SLX4IP: variants seen among roughly 807,000 people sequenced by gnomAD.
SLX4IP encodes the protein SLX4 interacting protein.
SLX4IP carries 34 observed loss-of-function variants against 32.9 expected under a neutral mutation model. The observed-to-expected ratio is 1.03, with a 90% CI of 0.79 to 1.38. The LOEUF is 1.38. SLX4IP is among the 40% of genes most tolerant of loss of function. The pLI is 0.00. For synonymous variants in SLX4IP, 172 were observed against 171.7 expected (o/e 1.00, Z -0.01); for missense variants, 444 against 479.0 (o/e 0.93, Z 0.68).
chr20:10,577,095 A>G (rs1220230092), intron 4 of SLX4IP, among the ~76,000 whole-genome samples: 1 of 152,226 alleles, frequency 6.6e-6, no homozygotes, highest in African/African-American at 2.4e-5. Flanking sequence ...AATAGAAAAT[A>G]TTTTTTAAAA....
At chr20:10,453,307 C>CAT (rs1555805265) in intron 1 of SLX4IP, among the ~76,000 whole-genome samples, 5 of 142,886 alleles carry the variant, frequency 3.5e-5, no homozygotes, top group African/African-American at 1.3e-4. Flanking sequence ...AAAACTCATC[C>CAT]GTGTGTGTGT....
At chr20:10,512,099 TAG>T (rs796237478) in intron 2 of SLX4IP, among the ~76,000 whole-genome samples, 20 of 152,328 alleles carry the variant, frequency 1.3e-4, no homozygotes, top group African/African-American at 4.8e-4. Flanking sequence ...TTGTGAGTGA[TAG>T]AGTTTCTGTT....
At chr20:10,569,175 ATTT>A (rs555310488) in intron 4 of SLX4IP, among the ~76,000 whole-genome samples, 8 of 129,904 alleles carry the variant, frequency 6.2e-5, no homozygotes, top group Admixed American at 2.3e-4. Flanking sequence ...CCAGATCTAG[ATTT>A]TTTTTTTTTT....
intron 2 of SLX4IP, among the ~76,000 whole-genome samples, chr20:10,534,173 T>G (rs2066016276): frequency 6.6e-6 from 1 of 151,996 alleles, no homozygotes; most frequent in Admixed American, 6.6e-5. Context: ...GCCAAGGTTA[T>G]GAGAGGATTT....
chr20:10,585,172 G>A (rs1286792763), intron 4 of SLX4IP, among the ~76,000 whole-genome samples: 3 of 152,142 alleles, frequency 2.0e-5, no homozygotes, highest in Admixed American at 6.5e-5. Context: ...TGTGTTTTGT[G>A]TCCTCTTTCA....
chr20:10,583,950 A>G (rs1438923925), intron 4 of SLX4IP, among the ~76,000 whole-genome samples: 1 of 152,222 alleles, frequency 6.6e-6, no homozygotes, highest in Non-Finnish European at 1.5e-5. Context: ...GTTAGCATAC[A>G]TAGTTCCTTT....
chr20:10,615,569 C>T (rs2067016211), intron 6 of SLX4IP, among the ~76,000 whole-genome samples: 1 of 152,124 alleles, frequency 6.6e-6, no homozygotes, highest in Non-Finnish European at 1.5e-5. Context: ...ACAGCTCAGA[C>T]CTCCCTCTGC....
chr20:10,611,984 T>C (rs927443771), intron 6 of SLX4IP, among the ~76,000 whole-genome samples: 4 of 152,236 alleles, frequency 2.6e-5, no homozygotes, highest in African/African-American at 9.6e-5. Flanking sequence ...GACTCATTTC[T>C]GCCCCTGACT....
chr20:10,511,674 A>G lies in SLX4IP; in HGVS notation c.28-44557A>G, dbSNP rs567839951. On this transcript the variant is annotated intron_variant, in intron 2 of 7. Coordinates refer to ENST00000334534, the MANE Select transcript of SLX4IP (RefSeq NM_001009608.3). Reference sequence around the variant, plus strand: ...AGTACTCTTACTACCCCAGCTTCGCAGATGACACTTGGAAAACGTAAGGAC... The same window carrying G: ...AGTACTCTTACTACCCCAGCTTCGCGGATGACACTTGGAAAACGTAAGGAC... Among the ~76,000 whole-genome samples the G allele has an allele frequency of 3.3e-5, 5 of 152,368 alleles. No homozygotes were observed. The South Asian group carries it at 6.2e-4, about 19-fold the overall frequency.
intron 2 of SLX4IP, among the ~76,000 whole-genome samples, chr20:10,526,866 T>G (rs1280991151): frequency 6.6e-6 from 1 of 152,158 alleles, no homozygotes; most frequent in Admixed American, 6.5e-5. Context: ...ATGGGAGGAC[T>G]GCTTGAGGCT....
chr20:10,482,152 C>G (rs1399579984), intron 2 of SLX4IP, among the ~76,000 whole-genome samples: 1 of 152,212 alleles, frequency 6.6e-6, no homozygotes, highest in African/African-American at 2.4e-5. Flanking sequence ...GTCTTCCAAG[C>G]TCCCTTTTTC....
chr20:10,543,798 A>G (rs910276071), intron 2 of SLX4IP, among the ~76,000 whole-genome samples: 6 of 152,192 alleles, frequency 3.9e-5, no homozygotes, highest in African/African-American at 1.2e-4. Flanking sequence ...ATGTGAATAA[A>G]AGGATGTCAT....
Position 10,622,706 on chromosome 20 carries a change from C to T in SLX4IP, c.554C>T (p.Thr185Ile). 6.2e-7 allele frequency: 1 copy of T among 1,613,604 alleles called. No individual in the cohort carries two copies. Among genetic ancestry groups the T allele is most frequent in the East Asian group, 2.2e-5 (1 of 44,870 alleles). Reference protein sequence around the residue: ...TKSSVTSKSQTRRDTVETSSD... With the variant: ...TKSSVTSKSQIRRDTVETSSD... ...AGCAGTGTCACGAGCAAATCGCAGACCAGAAGAGACACTGTGGAAACATCT... is the reference window on the plus strand; with the variant it reads ...AGCAGTGTCACGAGCAAATCGCAGATCAGAAGAGACACTGTGGAAACATCT... The change falls in exon 8 of 8, where the codon ACC (threonine) becomes ATC (isoleucine). Residue 185 changes from threonine (T) to isoleucine (I), a missense_variant. Coordinates refer to ENST00000334534, the MANE Select transcript of SLX4IP (RefSeq NM_001009608.3).
intron 1 of SLX4IP, among the ~76,000 whole-genome samples, chr20:10,436,012 T>C (rs548748693): frequency 6.6e-6 from 1 of 152,026 alleles, no homozygotes; most frequent in Non-Finnish European, 1.5e-5. Flanking sequence ...TATAAACAAG[T>C]ATTTGCTTTC....
intron 2 of SLX4IP, among the ~76,000 whole-genome samples, chr20:10,461,523 C>G (rs1409579801): frequency 6.6e-6 from 1 of 152,204 alleles, no homozygotes; most frequent in African/African-American, 2.4e-5. Flanking sequence ...CAGTGGTTCT[C>G]TAATCATGTA....
intron 2 of SLX4IP, among the ~76,000 whole-genome samples, chr20:10,546,323 T>C (rs1350061285): frequency 3.3e-5 from 5 of 152,244 alleles, no homozygotes; most frequent in Non-Finnish European, 7.3e-5. Context: ...TTCATAGTTT[T>C]ACTTGTAATG....
chr20:10,568,723 G>A (rs1660174368), intron 4 of SLX4IP, among the ~76,000 whole-genome samples: 1 of 152,176 alleles, frequency 6.6e-6, no homozygotes, highest in South Asian at 2.1e-4. Context: ...CATAATTACT[G>A]TAATAGTTCT....
At chr20:10,500,329 A>G (rs571860776) in intron 2 of SLX4IP, among the ~76,000 whole-genome samples, 7 of 151,952 alleles carry the variant, frequency 4.6e-5, no homozygotes, top group South Asian at 2.1e-4. Context: ...AGGTTTCACC[A>G]TGTTTGCCAG....
At chr20:10,519,041 G>A (rs2065882519) in intron 2 of SLX4IP, among the ~76,000 whole-genome samples, 1 of 152,148 alleles carries the variant, frequency 6.6e-6, no homozygotes, top group Admixed American at 6.5e-5. Context: ...TGAAAAATGT[G>A]CTTTATTGAG....
Sources: allele counts gnomAD v4.1 joint callset (sites outside exome capture counted in the v4.1 genomes callset), GRCh38; gene constraint gnomAD v4.1.1; transcripts MANE v1.5; gene names NCBI Gene and HGNC (gene_info 2026-07-23, HGNC 2026-07-21).